GPC5: variants seen among roughly 807,000 people sequenced by gnomAD.
GPC5 encodes the protein glypican-5.
In GPC5, 47 loss-of-function variants were observed where a neutral mutation model predicts 53.9. The ratio of observed to expected loss-of-function variants is 0.87; its 90% confidence interval spans 0.69 to 1.11. The LOEUF is 1.11. Among genes scored for constraint, GPC5 ranks in the 50% most tolerant of loss-of-function variants. GPC5 has a pLI of 0.00. For synonymous variants in GPC5, 286 were observed against 263.3 expected, an observed-to-expected ratio of 1.09 and a Z score of -0.84; for missense variants, 748 against 713.1, an observed-to-expected ratio of 1.05 and a Z score of -0.56.
At chr13:92,634,597 G>C (rs185890457) in intron 7 of GPC5, among the ~76,000 whole-genome samples, 1 of 151,948 alleles carries the variant, frequency 6.6e-6, no homozygotes, top group South Asian at 2.1e-4. Flanking sequence ...CCGAAATTTT[G>C]TACACTTTGA....
intron 1 of GPC5, among the ~76,000 whole-genome samples, chr13:91,445,639 T>A (rs910553642): frequency 1.3e-5 from 2 of 152,038 alleles, no homozygotes; most frequent in Non-Finnish European, 2.9e-5. Context: ...CATGCCCAGC[T>A]AATTTTTGTA....
intron 2 of GPC5, among the ~76,000 whole-genome samples, chr13:91,582,705 T>C (rs1364685902): frequency 1.3e-5 from 2 of 152,146 alleles, no homozygotes; most frequent in East Asian, 1.9e-4. Flanking sequence ...ACAAGCTCAA[T>C]TGGTAATATT....
At chr13:92,631,187 T>C (rs1398679558) in intron 7 of GPC5, among the ~76,000 whole-genome samples, 1 of 152,078 alleles carries the variant, frequency 6.6e-6, no homozygotes, top group African/African-American at 2.4e-5. Context: ...AAAATGCTTG[T>C]CAATGTTATT....
intron 7 of GPC5, among the ~76,000 whole-genome samples, chr13:92,737,502 T>C (rs934430918): frequency 3.3e-5 from 5 of 152,082 alleles, no homozygotes; most frequent in African/African-American, 9.7e-5. Flanking sequence ...TCAAGAAAAC[T>C]GGAAATTTAG....
At chr13:92,545,687 T>G (rs12870223) in intron 7 of GPC5, among the ~76,000 whole-genome samples, 30,189 of 152,196 alleles carry the variant, frequency 0.2, 2,970 homozygotes, top group South Asian at 0.22. Flanking sequence ...TGAGCATTTT[T>G]TCATGTGTGT....
At chr13:91,910,251 G>A (rs1566336913) in intron 6 of GPC5, among the ~76,000 whole-genome samples, 1 of 152,144 alleles carries the variant, frequency 6.6e-6, no homozygotes, top group East Asian at 1.9e-4. Flanking sequence ...CACGTGCCCT[G>A]GCAGGGATGG....
intron 7 of GPC5, among the ~76,000 whole-genome samples, chr13:92,845,351 C>CAGACCCAGGAAGATAA (rs1377464151): frequency 6.6e-6 from 1 of 152,074 alleles, no homozygotes; most frequent in African/African-American, 2.4e-5. Flanking sequence ...CCCAGGAAGG[C>CAGACCCAGGAAGATAA]CCATGGTGTT....
At chr13:91,404,815 A>G (rs192888928) in intron 1 of GPC5, among the ~76,000 whole-genome samples, 90 of 152,396 alleles carry the variant, frequency 5.9e-4, no homozygotes, top group Non-Finnish European at 1.1e-3. Flanking sequence ...AAATAATTTT[A>G]CCATCCAGAA....
At chr13:92,166,375 A>G (rs1338799212) in intron 7 of GPC5, among the ~76,000 whole-genome samples, 1 of 152,228 alleles carries the variant, frequency 6.6e-6, no homozygotes, top group Non-Finnish European at 1.5e-5. Context: ...AAATCAAGAA[A>G]TGCTCACAAA....
chr13:91,809,372 A>C (rs1406451141), intron 5 of GPC5, among the ~76,000 whole-genome samples: 1 of 152,136 alleles, frequency 6.6e-6, no homozygotes, highest in Non-Finnish European at 1.5e-5. Flanking sequence ...ACAACCAATG[A>C]TGAATAGTTT....
intron 7 of GPC5, among the ~76,000 whole-genome samples, chr13:92,789,547 C>A (rs928192054): frequency 6.6e-6 from 1 of 152,008 alleles, no homozygotes; most frequent in Admixed American, 6.6e-5. Flanking sequence ...ATACACTTCA[C>A]AAATATTAAT....
At chr13:92,840,092 T>TATATATACATATATATATATATATATAC (rs1878381322) in intron 7 of GPC5, among the ~76,000 whole-genome samples, 9 of 55,938 alleles carry the variant, frequency 1.6e-4, no homozygotes, top group African/African-American at 5.9e-4. Flanking sequence ...TATATATATA[T>TATATATACATATATATATATATATATAC]ATATATATAT....
intron 2 of GPC5, among the ~76,000 whole-genome samples, chr13:91,490,311 T>C (rs1883871730): frequency 6.6e-6 from 1 of 152,112 alleles, no homozygotes; most frequent in African/African-American, 2.4e-5. Flanking sequence ...TTTCTAGCTT[T>C]GAAGACTGGA....
intron 6 of GPC5, among the ~76,000 whole-genome samples, chr13:92,040,716 G>T (rs1235225441): frequency 6.6e-6 from 1 of 152,078 alleles, no homozygotes; most frequent in Non-Finnish European, 1.5e-5. Context: ...AAATAATTCT[G>T]TTTTTAGTCA....
At chr13:92,003,768 C>T (rs930617314) in intron 6 of GPC5, among the ~76,000 whole-genome samples, 6 of 152,140 alleles carry the variant, frequency 3.9e-5, no homozygotes, top group Non-Finnish European at 5.9e-5. Flanking sequence ...CCTTTCACAT[C>T]TACTGTGAAC....
In GPC5 at chr13:92,367,582, A is replaced by G. The variant is rs147195200; in HGVS notation, c.1561+222593A>G. Among the ~76,000 whole-genome samples, 5 of 152,322 alleles carry G rather than the reference A, an allele frequency of 3.3e-5. No homozygotes were observed. The East Asian group carries it at 9.6e-4, about 29-fold the overall frequency. On this transcript the variant is annotated intron_variant, in intron 7 of 7. Coordinates refer to ENST00000377067, the MANE Select transcript of GPC5 (RefSeq NM_004466.6). ...CCAATATATGACAAAGTTAGTGATA[A>G]TGCCATTTTTATCTGCCGTTTTTAT...
chr13:91,887,621 A>G (rs1040188537), intron 5 of GPC5, among the ~76,000 whole-genome samples: 4 of 152,184 alleles, frequency 2.6e-5, no homozygotes, highest in Admixed American at 1.3e-4. Context: ...CTTTCACCAG[A>G]TACCCTAAAT....
intron 2 of GPC5, among the ~76,000 whole-genome samples, chr13:91,582,127 G>A (rs1392423825): frequency 6.6e-6 from 1 of 152,088 alleles, no homozygotes; most frequent in Non-Finnish European, 1.5e-5. Context: ...CTGCAGTGGG[G>A]GAATAGAACT....
At chr13:92,256,199 G>C (rs1423161889) in intron 7 of GPC5, among the ~76,000 whole-genome samples, 1 of 151,624 alleles carries the variant, frequency 6.6e-6, no homozygotes, top group East Asian at 1.9e-4. Context: ...TATTTTTGTA[G>C]TATAATTACT....
Sources: allele counts gnomAD v4.1 joint callset (sites outside exome capture counted in the v4.1 genomes callset), GRCh38; gene constraint gnomAD v4.1.1; transcripts MANE v1.5; gene names NCBI Gene and HGNC (gene_info 2026-07-23, HGNC 2026-07-21).